Variants in RNF180 observed in about 807,000 individuals in gnomAD.
RNF180 encodes the protein E3 ubiquitin-protein ligase RNF180.
RNF180 carries 38 observed loss-of-function variants against 59.2 expected under a neutral mutation model. The ratio of observed to expected loss-of-function variants is 0.64; its 90% CI spans 0.50 to 0.84. The LOEUF (loss-of-function observed/expected upper bound fraction) is 0.84. RNF180 is among the 40% of genes least tolerant of loss of function. The pLI, the probability that RNF180 is intolerant of heterozygous loss-of-function variation, is 0.00. For missense variants in RNF180, 705 were observed against 700.9 expected (o/e 1.01, Z -0.07); for synonymous variants, 262 against 240.3 (o/e 1.09, Z -0.84).
intron 2 of RNF180, among the ~76,000 whole-genome samples, chr5:64,210,620 G>T (rs1752266987): frequency 6.6e-6 from 1 of 152,066 alleles, no homozygotes; most frequent in Admixed American, 6.6e-5. Flanking sequence ...TGCTAAAATT[G>T]AAGATTTACC....
At chr5:64,220,508 G>A (rs978114926) in intron 5 of RNF180, among the ~76,000 whole-genome samples, 1 of 151,916 alleles carries the variant, frequency 6.6e-6, no homozygotes, top group African/African-American at 2.4e-5. Context: ...AGTTATTAGT[G>A]TATTCAGGAA....
At chr5:64,208,191 A>C (rs1262570654) in intron 2 of RNF180, among the ~76,000 whole-genome samples, 1 of 152,088 alleles carries the variant, frequency 6.6e-6, no homozygotes. Context: ...CTGCTTGAAC[A>C]AATTATTTCA....
intron 5 of RNF180, among the ~76,000 whole-genome samples, chr5:64,225,372 C>G (rs1382082570): frequency 2.5e-4 from 37 of 150,482 alleles, no homozygotes; most frequent in Admixed American, 5.3e-4. Flanking sequence ...CCCGGCCGCC[C>G]TGTCTGGGAA....
At chr5:64,171,343 A>G (rs1358420640) in intron 1 of RNF180, among the ~76,000 whole-genome samples, 1 of 152,212 alleles carries the variant, frequency 6.6e-6, no homozygotes. Flanking sequence ...CATTCAGTAT[A>G]TACCGCAGGT....
intron 5 of RNF180, among the ~76,000 whole-genome samples, chr5:64,314,412 T>C (rs1267262951): frequency 2.6e-5 from 4 of 152,140 alleles, no homozygotes; most frequent in Admixed American, 2.6e-4. Flanking sequence ...ACTATTATCA[T>C]TGATATTGAC....
chr5:64,238,051 T>C (rs1006325039), intron 5 of RNF180, among the ~76,000 whole-genome samples: 1 of 152,218 alleles, frequency 6.6e-6, no homozygotes, highest in Non-Finnish European at 1.5e-5. Context: ...GTCTATGAAC[T>C]TGACGAGTTT....
At chr5:64,180,722 G>A (rs543112125) in intron 1 of RNF180, among the ~76,000 whole-genome samples, 27 of 152,246 alleles carry the variant, frequency 1.8e-4, no homozygotes, top group African/African-American at 6.5e-4. Context: ...TTCCCCTGTA[G>A]TCAATTCCTT....
chr5:64,214,339 C>T lies in RNF180; in HGVS notation c.1013C>T (p.Ala338Val), dbSNP rs771286553. 1 of 1,613,990 alleles carries T rather than the reference C, an allele frequency of 6.2e-7. No individual in the cohort carries two copies. The highest frequency in any genetic ancestry group is 1.3e-5 in the African/African-American group (1 of 75,026). ...ACTTTCCTGATGGACCTGCCCTCAGCTGGCAGGAGCATGCCGGAGGCCTCA... is the reference window on the plus strand; with the variant it reads ...ACTTTCCTGATGGACCTGCCCTCAGTTGGCAGGAGCATGCCGGAGGCCTCA... Reference protein sequence around the residue: ...NLTFLMDLPSAGRSMPEASDQ... With the variant: ...NLTFLMDLPSVGRSMPEASDQ... Residue 338 changes from alanine (A) to valine (V), a missense_variant, in exon 4 of 8, where the codon GCT becomes GTT. Transcript: ENST00000389100.
At chr5:64,319,355 T>G (rs1744225791) in intron 5 of RNF180, among the ~76,000 whole-genome samples, 1 of 152,168 alleles carries the variant, frequency 6.6e-6, no homozygotes, top group Non-Finnish European at 1.5e-5. Flanking sequence ...GGAAAATTGG[T>G]AAAATTTGAT....
At chr5:64,343,091 TTATGA>T (rs1252424862) in intron 7 of RNF180, among the ~76,000 whole-genome samples, 1 of 152,004 alleles carries the variant, frequency 6.6e-6, no homozygotes, top group Non-Finnish European at 1.5e-5. Flanking sequence ...CAATAAAAAA[TTATGA>T]TATATGCAAA....
chr5:64,297,585 T>A (rs1303949596), intron 5 of RNF180, among the ~76,000 whole-genome samples: 1 of 152,114 alleles, frequency 6.6e-6, no homozygotes, highest in Non-Finnish European at 1.5e-5. Flanking sequence ...TGATACCAAC[T>A]ATAGTCTCAA....
chr5:64,293,903 A>G (rs1580195811), intron 5 of RNF180, among the ~76,000 whole-genome samples: 2 of 152,358 alleles, frequency 1.3e-5, no homozygotes, highest in East Asian at 1.9e-4. Flanking sequence ...CTACTAAACA[A>G]TCATGCAGTA....
intron 1 of RNF180, among the ~76,000 whole-genome samples, chr5:64,180,414 T>C (rs1012368901): frequency 6.6e-6 from 1 of 152,238 alleles, no homozygotes; most frequent in Non-Finnish European, 1.5e-5. Flanking sequence ...TGTAAAATTA[T>C]GAATTTTTAA....
At chr5:64,309,872 A>T (rs554452729) in intron 5 of RNF180, among the ~76,000 whole-genome samples, 8 of 151,772 alleles carry the variant, frequency 5.3e-5, no homozygotes, top group African/African-American at 1.7e-4. Context: ...TTATATTTAT[A>T]TTAATTTTTC....
chr5:64,367,758 C>T (rs957619166), intron 7 of RNF180, among the ~76,000 whole-genome samples: 1 of 151,610 alleles, frequency 6.6e-6, no homozygotes, highest in African/African-American at 2.4e-5. Context: ...CAGGCTAGAG[C>T]TTCACAGAAC....
chr5:64,202,188 T>C (rs1751789400), intron 2 of RNF180, among the ~76,000 whole-genome samples: 1 of 152,212 alleles, frequency 6.6e-6, no homozygotes, highest in Non-Finnish European at 1.5e-5. Flanking sequence ...TCCCTCTCAC[T>C]GATGTCTTTC....
At chr5:64,318,610 T>G (rs1243402708) in intron 5 of RNF180, among the ~76,000 whole-genome samples, 2 of 152,134 alleles carry the variant, frequency 1.3e-5, no homozygotes, top group Non-Finnish European at 2.9e-5. Context: ...TTATACATAC[T>G]TTTTTAGACA....
At chr5:64,260,487 A>T (rs1164188149) in intron 5 of RNF180, among the ~76,000 whole-genome samples, 1 of 151,900 alleles carries the variant, frequency 6.6e-6, no homozygotes, top group Non-Finnish European at 1.5e-5. Context: ...TTCATGACAG[A>T]TGCTATCTGA....
At chr5:64,210,632 T>G (rs1248829696) in intron 2 of RNF180, among the ~76,000 whole-genome samples, 1 of 152,134 alleles carries the variant, frequency 6.6e-6, no homozygotes, top group Non-Finnish European at 1.5e-5. Context: ...AGATTTACCT[T>G]TCAAAAGACC....
Sources: allele counts gnomAD v4.1 joint callset (sites outside exome capture counted in the v4.1 genomes callset), GRCh38; gene constraint gnomAD v4.1.1; transcripts MANE v1.5; gene names NCBI Gene and HGNC (gene_info 2026-07-23, HGNC 2026-07-21).